CPA5: variants seen among roughly 807,000 people sequenced by gnomAD.
CPA5 encodes the protein carboxypeptidase A5, also known as testicular tissue protein Li 32.
A neutral mutation model predicts 52.2 loss-of-function variants in CPA5; 38 were observed. The observed-to-expected ratio is 0.73, with a 90% CI of 0.56 to 0.95. The LOEUF (loss-of-function observed/expected upper bound fraction) is 0.95. Among genes scored for constraint, CPA5 ranks in the 40% least tolerant of loss-of-function variants. The pLI, the probability that CPA5 is intolerant of heterozygous loss-of-function variation, is 0.00. For missense variants in CPA5, 519 were observed against 566.7 expected (o/e 0.92, Z 0.86); for synonymous variants, 198 against 213.7 (o/e 0.93, Z 0.64).
At chr7:130,359,436 G>A (rs1414552949) in intron 5 of CPA5, among the ~76,000 whole-genome samples, 153 bp from the exon 6 acceptor site, 2 of 152,182 alleles carry the variant, frequency 1.3e-5, no homozygotes, top group African/African-American at 4.8e-5. Flanking sequence ...CAGCAACCTG[G>A]ACCTTCCTTC....
intron 11 of CPA5, 56 bp from the exon 12 acceptor site, chr7:130,367,850 G>GT: frequency 7.0e-7 from 1 of 1,434,342 alleles, no homozygotes; most frequent in East Asian, 2.3e-5. Context: ...GGGTGGGGGA[G>GT]TGTGTGGGAG....
At chr7:130,369,625 TTG>T (rs1412243016), downstream of CPA5, among the ~76,000 whole-genome samples, 2 of 151,794 alleles carry the variant, frequency 1.3e-5, no homozygotes, top group South Asian at 2.1e-4. Context: ...GTGTGTGTGT[TTG>T]TGTGTGTGCG....
chr7:130,363,859 A>T (rs1390249088), intron 10 of CPA5, among the ~76,000 whole-genome samples: 1 of 152,170 alleles, frequency 6.6e-6, no homozygotes, highest in Non-Finnish European at 1.5e-5. Context: ...TGTTGTTCAA[A>T]ATCCAGAGTT....
chr7:130,369,945 C>CCAT (rs1412610986), downstream of CPA5, among the ~76,000 whole-genome samples: 1 of 152,142 alleles, frequency 6.6e-6, no homozygotes, highest in Non-Finnish European at 1.5e-5. Context: ...TGATCAAAAC[C>CCAT]CCAAGTAAGG....
chr7:130,370,591 A>C (rs550646531), downstream of CPA5, among the ~76,000 whole-genome samples: 2 of 152,326 alleles, frequency 1.3e-5, no homozygotes, highest in East Asian at 3.9e-4. Context: ...AAGGAAAGCA[A>C]GGTTCGGAGA....
intron 5 of CPA5, among the ~76,000 whole-genome samples, chr7:130,353,849 T>C (rs1554404604): frequency 6.6e-6 from 1 of 152,208 alleles, no homozygotes; most frequent in Non-Finnish European, 1.5e-5. Flanking sequence ...AAGCATGTTG[T>C]TCCTCTGCTT....
At position 130,347,693 on chromosome 7, in the gene CPA5, C is replaced by A. The variant is rs1794853043; in HGVS notation, c.117-73C>A. 5 of 1,320,378 alleles carry A rather than the reference C, an allele frequency of 3.8e-6. No homozygotes were observed. The South Asian group carries it at 6.1e-5, about 16-fold the overall frequency. 81.8% of individuals were successfully genotyped at this position (1,320,378 alleles called of 1,614,324 possible). ...TCAGCTGGGCCTCTGCTCCACTCTGCCCCTTCCAAGTGACACAGCCTTCCA... is the reference window on the plus strand; with the variant it reads ...TCAGCTGGGCCTCTGCTCCACTCTGACCCTTCCAAGTGACACAGCCTTCCA... On this transcript the variant is annotated intron_variant, in intron 3 of 12. Coordinates refer to ENST00000474905, the MANE Select transcript of CPA5 (RefSeq NM_080385.5).
At position 130,346,320 on chromosome 7, in the gene CPA5, C is replaced by T. The variant is rs539010159; in HGVS notation, c.-93-73C>T. On this transcript the variant is annotated intron_variant, in intron 2 of 12. Transcript: ENST00000474905. ...ATGTGCTGGGTTGGGGAGGGGCAGC[C>T]CTAGCTCTCCCAAGGCCTGGCATGT... 342 of 531,460 alleles carry T rather than the reference C, an allele frequency of 6.4e-4. 9 individuals carry two copies. The South Asian group carries it at 9.7e-3, about 15-fold the overall frequency. The allele number at this position is 531,460 out of a possible 1,614,324, so 32.9% of individuals were successfully genotyped here.
At position 130,368,539 on chromosome 7, in the gene CPA5, A is replaced by G. The variant is rs782736115; in HGVS notation, c.1253A>G (p.Gln418Arg). 5 of 1,613,930 alleles carry G rather than the reference A, an allele frequency of 3.1e-6. No homozygotes were observed. Among genetic ancestry groups the G allele is most frequent in the South Asian group, 1.1e-5 (1 of 91,068 alleles). ...GCCACACAGATCATCCCCACGGCCC[A>G]GGAGACGTGGATGGCGCTTCGGACC... ...LPATQIIPTA[Q>R]ETWMALRTIM... The change falls in exon 13 of 13, where the codon CAG becomes CGG. Residue 418 changes from glutamine (Q) to arginine (R), a missense_variant. By Grantham distance (43) the Gln-to-Arg change is conservative (BLOSUM62 1). Coordinates refer to ENST00000474905, the MANE Select transcript of CPA5 (RefSeq NM_080385.5).
intron 10 of CPA5, 126 bp downstream of exon 10, chr7:130,363,635 G>C (rs1162383109): frequency 1.3e-6 from 1 of 774,726 alleles, no homozygotes; most frequent in Non-Finnish European, 2.2e-6. Context: ...CAGCTAATAT[G>C]CATGAGTCAC....
chr7:130,364,120 T>G (rs567057650), intron 10 of CPA5, among the ~76,000 whole-genome samples: 3 of 152,166 alleles, frequency 2.0e-5, no homozygotes, highest in African/African-American at 7.2e-5. Context: ...CTTGACCTCC[T>G]GGGCTCAGGT....
chr7:130,369,390 G>T (rs1796265016), downstream of CPA5, among the ~76,000 whole-genome samples: 1 of 152,170 alleles, frequency 6.6e-6, no homozygotes, highest in Non-Finnish European at 1.5e-5. Context: ...CCTTCCCCCA[G>T]CCCCAGGCCT....
At chr7:130,361,283 A>G (rs1230008329) in intron 7 of CPA5, 39 bp downstream of exon 7, 3 of 1,400,984 alleles carry the variant, frequency 2.1e-6, no homozygotes, top group Non-Finnish European at 3.0e-6. Context: ...CTCTACCTTG[A>G]GGGCCTCTGG....
At chr7:130,346,906 A>T (rs1028360969) in intron 3 of CPA5, among the ~76,000 whole-genome samples, 5 of 152,080 alleles carry the variant, frequency 3.3e-5, no homozygotes, top group Admixed American at 1.3e-4. Flanking sequence ...TTCGGGGAGG[A>T]TGCATTCATA....
At chr7:130,359,803 A>T (rs1439533460) in intron 6 of CPA5, 116 bp downstream of exon 6, 1 of 674,524 alleles carries the variant, frequency 1.5e-6, no homozygotes, top group Admixed American at 2.5e-5. Context: ...TGTGACTGAC[A>T]CTTAGGGACT....
the CPA5 span, among the ~76,000 whole-genome samples, chr7:130,374,109 G>C: frequency 6.6e-6 from 1 of 152,126 alleles, no homozygotes; most frequent in Non-Finnish European, 1.5e-5. Context: ...GCTGTGCTCT[G>C]TGGAATGTTC....
At chr7:130,368,302 TG>T in intron 12 of CPA5, 107 bp from the exon 13 acceptor site, 2 of 1,080,734 alleles carry the variant, frequency 1.9e-6, no homozygotes, top group Non-Finnish European at 2.7e-6. Context: ...CTGGGGTGGG[TG>T]GGGGTTTGGC....
chr7:130,367,226 C>T (rs1486636062), intron 10 of CPA5, 146 bp from the exon 11 acceptor site: 3 of 672,220 alleles, frequency 4.5e-6, no homozygotes, highest in African/African-American at 1.8e-5. Flanking sequence ...TTCTGCTCAC[C>T]TTTCCATTGG....
chr7:130,349,712 G>A (rs1442252708), intron 4 of CPA5, among the ~76,000 whole-genome samples: 2 of 126,712 alleles, frequency 1.6e-5, no homozygotes, highest in East Asian at 2.4e-4. Flanking sequence ...CACCTACTAC[G>A]TACCCACAAA....
Sources: allele counts gnomAD v4.1 joint callset (sites outside exome capture counted in the v4.1 genomes callset), GRCh38; gene constraint gnomAD v4.1.1; transcripts MANE v1.5; gene names NCBI Gene and HGNC (gene_info 2026-07-23, HGNC 2026-07-21).